EVI5: variants seen among roughly 807,000 people sequenced by gnomAD.
EVI5 encodes ecotropic viral integration site 5, also known as ecotropic viral integration site 5 protein homolog.
A neutral mutation model predicts 112.0 loss-of-function variants in EVI5; 73 were observed. That is an observed-to-expected ratio of 0.65 (90% CI 0.54 to 0.79). The LOEUF is 0.79. EVI5 is among the 30% of genes least tolerant of loss of function. The pLI, the probability that EVI5 is intolerant of heterozygous loss-of-function variation, is 0.00. For missense variants in EVI5, 900 were observed against 968.8 expected (o/e 0.93, Z 0.94); for synonymous variants, 305 against 319.9 (o/e 0.95, Z 0.50).
intron 13 of EVI5, among the ~76,000 whole-genome samples, chr1:92,652,643 A>G (rs1662328994): frequency 6.6e-6 from 1 of 152,238 alleles, no homozygotes; most frequent in East Asian, 1.9e-4. Flanking sequence ...CAACCTAAAT[A>G]TCCATCAACA....
intron 19 of EVI5, among the ~76,000 whole-genome samples, chr1:92,552,722 T>C (rs1667132404): frequency 6.6e-6 from 1 of 152,196 alleles, no homozygotes; most frequent in African/African-American, 2.4e-5. Flanking sequence ...TTCCTAGAAA[T>C]CTCTTAACAA....
At chr1:92,641,530 A>C (rs913528758) in intron 13 of EVI5, among the ~76,000 whole-genome samples, 1 of 152,218 alleles carries the variant, frequency 6.6e-6, no homozygotes, top group African/African-American at 2.4e-5. Flanking sequence ...CACTTTCCCA[A>C]AACAAAATAA....
chr1:92,596,412 AT>A (rs1340646354), intron 18 of EVI5, among the ~76,000 whole-genome samples: 1 of 152,118 alleles, frequency 6.6e-6, no homozygotes, highest in Non-Finnish European at 1.5e-5. Flanking sequence ...AATATCTCCT[AT>A]GATTTTTGTG....
At position 92,767,446 on chromosome 1, in the gene EVI5, T is replaced by C. The variant is rs1411861268; in HGVS notation, c.-82+17390A>G. Reference sequence around the variant, plus strand: ...CATCCACAGTTTCAGGTATCACTAGTAGTCTTGGAATGTATCTCCCGAGGA... The same window carrying C: ...CATCCACAGTTTCAGGTATCACTAGCAGTCTTGGAATGTATCTCCCGAGGA... On this transcript the variant is annotated intron_variant, in intron 1 of 19. Transcript: ENST00000684568. Among the ~76,000 whole-genome samples, 4 of 152,322 alleles carry C rather than the reference T, an allele frequency of 2.6e-5. No homozygotes were observed. In the East Asian group the frequency reaches 7.7e-4, roughly 29 times the overall value.
At chr1:92,718,434 G>A (rs1023024191) in intron 2 of EVI5, among the ~76,000 whole-genome samples, 1 of 152,180 alleles carries the variant, frequency 6.6e-6, no homozygotes, top group Non-Finnish European at 1.5e-5. Flanking sequence ...ACCTGCTCCT[G>A]AATGACGACT....
At chr1:92,757,889 G>A (rs564806396) in intron 1 of EVI5, among the ~76,000 whole-genome samples, 57 of 130,652 alleles carry the variant, frequency 4.4e-4, no homozygotes, top group African/African-American at 1.5e-3. Context: ...GGGCAAAAGA[G>A]TGAGCGAGAC....
rs549437473 is a variant in EVI5 at position 92,602,668 on chromosome 1, A to G, written c.2070+2639T>C. 1.3e-5 allele frequency among the ~76,000 whole-genome samples: 2 copies of G among 152,186 alleles called. 1 individual carries two copies. Among genetic ancestry groups the G allele is most frequent in the African/African-American group, 4.8e-5 (2 of 41,434 alleles). The stretch of plus-strand genomic sequence containing the variant: ...GCAATCCCCTGACCTTGGCCTCTCA[A>G]AGCACTGGGATTACAGGCATGAGTT... On this transcript the variant is annotated intron_variant, in intron 18 of 19. Coordinates refer to ENST00000684568, the MANE Select transcript of EVI5 (RefSeq NM_001350197.2).
At position 92,766,096 on chromosome 1, in the gene EVI5, AAATAATAATAATAATAATAAT is replaced by A. The variant is rs71091300; in HGVS notation, c.-82+18719_-82+18739del. On this transcript the variant is annotated intron_variant, in intron 1 of 19. Transcript: ENST00000684568. ...CTGGGTGACAGAGCAAGACCCTGCA[AAATAATAATAATAATAATAAT>A]AATAATAATAATAATAATAATTAAT... is the stretch of plus-strand genomic sequence containing the variant. Among the ~76,000 whole-genome samples the A allele has an allele frequency of 2.8e-5, 4 of 141,014 alleles. No homozygotes were observed. The East Asian group carries it at 8.1e-4, about 29-fold the overall frequency. 92.5% of individuals were successfully genotyped at this position (141,014 alleles called of 152,430 possible). A position where few individuals can be genotyped will look rare whatever the true frequency, so the allele number is the denominator to read the frequency against.
chr1:92,518,367 T>A (rs1258494713), intron 19 of EVI5, among the ~76,000 whole-genome samples: 2 of 152,142 alleles, frequency 1.3e-5, no homozygotes, highest in East Asian at 3.9e-4. Flanking sequence ...TCACTGAATG[T>A]GCATGGAAGT....
chr1:92,773,986 A>T (rs941937483), intron 1 of EVI5: 1 of 150,256 alleles, frequency 6.7e-6, no homozygotes, highest in Non-Finnish European at 1.5e-5. Context: ...AGCCATGATC[A>T]CCCCACTGCA....
chr1:92,655,517 T>C (rs929199633), intron 13 of EVI5, among the ~76,000 whole-genome samples: 1 of 151,920 alleles, frequency 6.6e-6, no homozygotes, highest in Non-Finnish European at 1.5e-5. Flanking sequence ...ATACTCAACA[T>C]CATAAAAACA....
At chr1:92,683,347 A>C (rs1667921357) in intron 9 of EVI5, among the ~76,000 whole-genome samples, 3 of 152,222 alleles carry the variant, frequency 2.0e-5, no homozygotes, top group African/African-American at 7.2e-5. Flanking sequence ...AAAAACTAAC[A>C]AACAGAAAGA....
chr1:92,527,071 C>T (rs1326143762), intron 19 of EVI5, among the ~76,000 whole-genome samples: 2 of 152,176 alleles, frequency 1.3e-5, no homozygotes, highest in East Asian at 3.9e-4. Context: ...GGCCATAACG[C>T]TCTAATAGCA....
chr1:92,729,373 C>T (rs1676095242), intron 2 of EVI5, among the ~76,000 whole-genome samples: 1 of 152,126 alleles, frequency 6.6e-6, no homozygotes, highest in Non-Finnish European at 1.5e-5. Context: ...GTATCCCGCA[C>T]ACATAAGGGG....
At chr1:92,701,446 C>G (rs1671133458) in intron 5 of EVI5, among the ~76,000 whole-genome samples, 1 of 152,174 alleles carries the variant, frequency 6.6e-6, no homozygotes, top group Non-Finnish European at 1.5e-5. Context: ...AACTGAGTTG[C>G]AAAACCACCC....
At chr1:92,630,112 G>C (rs951492359) in intron 14 of EVI5, among the ~76,000 whole-genome samples, 2 of 152,146 alleles carry the variant, frequency 1.3e-5, no homozygotes, top group African/African-American at 4.8e-5. Flanking sequence ...ATTGTGAATA[G>C]TGCCACAAGA....
upstream of EVI5, among the ~76,000 whole-genome samples, chr1:92,786,001 G>C (rs1052612148): frequency 2.6e-5 from 4 of 151,604 alleles, no homozygotes; most frequent in African/African-American, 9.7e-5. Context: ...TGAGGCAGGG[G>C]AATTGCTTGA....
rs72968836 is a variant in EVI5 at position 92,710,296 on chromosome 1, T to C, written c.150-5552A>G. Among the ~76,000 whole-genome samples the C allele has an allele frequency of 9.4e-3, 1,421 of 151,950 alleles. 21 individuals are homozygous for C. Among genetic ancestry groups the C allele is most frequent in the African/African-American group, 0.032 (1,335 of 41,448 alleles). On this transcript the variant is annotated intron_variant, in intron 2 of 19. Coordinates refer to ENST00000684568, the MANE Select transcript of EVI5 (RefSeq NM_001350197.2). ...AAGTTGAGACTGCAGTGTGCCATGATTGCACTGCACCACTGCACTCTAGCC... is the reference window on the plus strand; with the variant it reads ...AAGTTGAGACTGCAGTGTGCCATGACTGCACTGCACCACTGCACTCTAGCC...
At chr1:92,552,917 C>T (rs1195094399) in intron 19 of EVI5, among the ~76,000 whole-genome samples, 2 of 151,704 alleles carry the variant, frequency 1.3e-5, no homozygotes, top group African/African-American at 4.8e-5. Flanking sequence ...TTCATGTTTT[C>T]ATTAATTAAC....
Sources: gnomAD v4.1 joint callset for allele counts (sites outside exome capture counted in the v4.1 genomes callset) on GRCh38, gnomAD v4.1.1 for gene constraint, MANE v1.5 for transcripts, NCBI Gene and HGNC (gene_info 2026-07-23, HGNC 2026-07-21) for gene names.